ITGB4: variants seen among roughly 807,000 people sequenced by gnomAD.
ITGB4 encodes the protein integrin beta-4.
In ITGB4, 159 loss-of-function variants were observed where a neutral mutation model predicts 207.6. The ratio of observed to expected loss-of-function variants is 0.77; its 90% CI spans 0.67 to 0.87. The LOEUF (loss-of-function observed/expected upper bound fraction) is 0.87, where lower values mean the gene tolerates loss of function less well. Among genes scored for constraint, ITGB4 ranks in the 40% least tolerant of loss-of-function variants. The probability of loss-of-function intolerance (pLI) is 0.00; values close to 1 mark genes in which losing one functional copy is unlikely to be tolerated. For missense variants in ITGB4, 2,278 were observed against 2,546.8 expected (o/e 0.89, Z 2.27); for synonymous variants, 1,020 against 1,062.7 (o/e 0.96, Z 0.78).
At position 75,731,174 on chromosome 17, in the gene ITGB4, G is replaced by C; in HGVS notation, c.1093-72G>C. On this transcript the variant is annotated intron_variant, in intron 9 of 39. Transcript: ENST00000200181. This position sits in a 1 kb window ranked among gnomAD's most constrained non-coding sequence, Gnocchi z 6.8. Reference sequence around the variant, plus strand: ...CTCTGTGATACCCCGCATGATGCCAGCCACACTTGGAGGTTGGGGTGGAGC... The same window carrying C: ...CTCTGTGATACCCCGCATGATGCCACCCACACTTGGAGGTTGGGGTGGAGC... The C allele has an allele frequency of 2.5e-6, 4 of 1,610,520 alleles. No homozygotes were observed. Among genetic ancestry groups the C allele is most frequent in the Non-Finnish European group, 3.4e-6 (4 of 1,178,406 alleles).
chr17:75,727,712 G>A lies in ITGB4; in HGVS notation c.326G>A (p.Arg109His), dbSNP rs1049605905. ...SQMSPQGLRV[R>H]LRPGEERHFE... ...ATGTCCCCCCAAGGCCTGCGGGTCC[G>A]TCTGCGGCCCGGTGAGGAGCGGCAT... The change falls in exon 5 of 40, where the codon CGT (arginine) becomes CAT (histidine). Residue 109 changes from arginine to histidine, a missense_variant. Physicochemically the swap from Arg to His is conservative, Grantham distance 29. Transcript: ENST00000200181. This position sits in a 1 kb window ranked among gnomAD's most constrained non-coding sequence, Gnocchi z 6.0. 8.7e-6 allele frequency: 14 copies of A among 1,613,204 alleles called. No homozygotes were observed. Among genetic ancestry groups the A allele is most frequent in the Middle Eastern group, 1.8e-4 (1 of 5,682 alleles).
In ITGB4 at chr17:75,731,147, G is replaced by T; in HGVS notation, c.1093-99G>T. On this transcript the variant is annotated intron_variant, in intron 9 of 39. Coordinates refer to ENST00000200181, the MANE Select transcript of ITGB4 (RefSeq NM_000213.5). This position sits in a 1 kb window ranked among gnomAD's most constrained non-coding sequence, Gnocchi z 6.8. The stretch of plus-strand genomic sequence containing the variant: ...CCTGGGCCTGGCCCTGGCTCCTGCA[G>T]GCTCTGTGATACCCCGCATGATGCC... The T allele has an allele frequency of 6.3e-7, 1 of 1,596,630 alleles. No homozygotes were observed.
At position 75,739,211 on chromosome 17, in the gene ITGB4, C is replaced by G. The variant is rs2061050320; in HGVS notation, c.2221-461C>G. 6.6e-6 allele frequency among the ~76,000 whole-genome samples: 1 copy of G among 151,436 alleles called. No homozygotes were observed. On this transcript the variant is annotated intron_variant, in intron 18 of 39. Transcript: ENST00000200181. The surrounding 1 kb of genome is among the most constrained non-coding windows in gnomAD (Gnocchi z 5.4). ...TAGGGGGGCTGAGGCAGGAGAATTG[C>G]TTGAACCTGGGAGGTAGAGGTTGCA...
At chr17:75,736,408 T>C (rs1444277570) in intron 15 of ITGB4, 22 bp downstream of exon 15, 10 of 1,612,424 alleles carry the variant, frequency 6.2e-6, no homozygotes, top group Admixed American at 5.0e-5. Context: ...ACCTACGAGG[T>C]GTGGGCGTGG....
intron 27 of ITGB4, among the ~76,000 whole-genome samples, chr17:75,749,352 A>C (rs901728802): frequency 6.6e-6 from 1 of 151,944 alleles, no homozygotes; most frequent in African/African-American, 2.4e-5. Flanking sequence ...ACATAGTGAG[A>C]CCTCGTCTCT....
rs775000779 is a variant in ITGB4, at chr17:75,748,887, C to T, written c.3158C>T (p.Ala1053Val). The change falls in exon 27 of 40, where the codon GCC (alanine) becomes GTC (valine). Residue 1053 changes from alanine (A) to valine (V), a missense_variant. Coordinates refer to ENST00000200181, the MANE Select transcript of ITGB4 (RefSeq NM_000213.5). ...EGELLFQPGE[A>V]WKELQVKLLE... Reference sequence around the variant, plus strand: ...GAGCTGCTGTTCCAGCCTGGGGAGGCCTGGAAAGAGCTGCAGGTGAAGCTC... The same window carrying T: ...GAGCTGCTGTTCCAGCCTGGGGAGGTCTGGAAAGAGCTGCAGGTGAAGCTC... 6.2e-7 allele frequency: 1 copy of T among 1,613,012 alleles called. No homozygotes were observed. The highest frequency in any genetic ancestry group is 8.5e-7 in the Non-Finnish European group (1 of 1,179,866).
At position 75,731,264 on chromosome 17, in the gene ITGB4, G is replaced by A; in HGVS notation, c.1111G>A (p.Asp371Asn). The change falls in exon 10 of 40, where the codon GAC (aspartate) becomes AAC (asparagine). Residue 371 changes from aspartate to asparagine, a missense_variant. Coordinates refer to ENST00000200181, the MANE Select transcript of ITGB4 (RefSeq NM_000213.5). The surrounding 1 kb of genome is among the most constrained non-coding windows in gnomAD (Gnocchi z 6.8). ...CCTTTAGCGGATCCGCTCCAACCTGGACATCCGGGCCCTAGACAGCCCCCG... is the reference window on the plus strand; with the variant it reads ...CCTTTAGCGGATCCGCTCCAACCTGAACATCCGGGCCCTAGACAGCCCCCG... ...EAFNRIRSNL[D>N]IRALDSPRGL... 1 of 1,613,422 alleles carries A rather than the reference G, an allele frequency of 6.2e-7. No homozygotes were observed.
At chr17:75,748,009 C>T (rs970143723) in intron 26 of ITGB4, among the ~76,000 whole-genome samples, 4 of 152,074 alleles carry the variant, frequency 2.6e-5, no homozygotes, top group Non-Finnish European at 5.9e-5. Context: ...TAGTGGTCTT[C>T]TATGTGAAGG....
At position 75,729,436 on chromosome 17, in the gene ITGB4, G is replaced by A. The variant is rs749834111; in HGVS notation, c.738G>A (p.Thr246=). The A allele has an allele frequency of 4.3e-6, 7 of 1,613,788 alleles. No individual in the cohort carries two copies. Among genetic ancestry groups the A allele is most frequent in the African/African-American group, 2.7e-5 (2 of 75,054 alleles). ...CCATCCTGCAGACAGCTGTGTGCAC[G>A]GTGGGCACTGGGAAGGGTGCTGCCA... is the stretch of plus-strand genomic sequence containing the variant. ...FDAILQTAVC[T]RDIGWRPDST... The change falls in exon 7 of 40, where the codon ACG becomes ACA. Residue 246 remains threonine, a splice_region_variant and synonymous_variant. Transcript: ENST00000200181. This position sits in a 1 kb window ranked among gnomAD's most constrained non-coding sequence, Gnocchi z 4.4.
intron 34 of ITGB4, 59 bp downstream of exon 34, chr17:75,754,874 G>A: frequency 6.2e-7 from 1 of 1,610,896 alleles, no homozygotes; most frequent in Non-Finnish European, 8.5e-7. Context: ...TCCAGCTCCT[G>A]GAGCCTCGGG....
intron 12 of ITGB4, among the ~76,000 whole-genome samples, chr17:75,733,245 G>T (rs1024958675): frequency 1.3e-5 from 2 of 151,916 alleles, no homozygotes; most frequent in Admixed American, 1.3e-4. Context: ...AATTAGCCGG[G>T]CGTAGTGGCG....
At chr17:75,723,846 C>T (rs1005694074) in intron 1 of ITGB4, among the ~76,000 whole-genome samples, 2 of 152,276 alleles carry the variant, frequency 1.3e-5, no homozygotes, top group African/African-American at 4.8e-5. Flanking sequence ...GCCTGGATGG[C>T]TCTGCCGCCA....
In ITGB4 at chr17:75,727,135, G is replaced by C; in HGVS notation, c.80-60G>C. 1 of 1,384,218 alleles carries C rather than the reference G, an allele frequency of 7.2e-7. No homozygotes were observed. Among genetic ancestry groups the C allele is most frequent in the South Asian group, 1.2e-5 (1 of 84,294 alleles). The allele number at this position is 1,384,218 out of a possible 1,614,324, so 85.7% of individuals were successfully genotyped here. On this transcript the variant is annotated intron_variant, in intron 2 of 39. Coordinates refer to ENST00000200181, the MANE Select transcript of ITGB4 (RefSeq NM_000213.5). The surrounding 1 kb of genome is among the most constrained non-coding windows in gnomAD (Gnocchi z 6.0). ...ATCTCTCCAGGTGAAGGTGCAGGTG[G>C]GAAAGTGCTTGCCTTTGCTGAGCGC... is the stretch of plus-strand genomic sequence containing the variant.
At chr17:75,737,679 C>T (rs771035706) in intron 18 of ITGB4, 35 bp downstream of exon 18, 1 of 1,558,254 alleles carries the variant, frequency 6.4e-7, no homozygotes, top group East Asian at 2.2e-5. Context: ...GGCCCCACAT[C>T]CCAGGGTCCC....
rs1460843346 is a variant in ITGB4 at position 75,724,797 on chromosome 17, C to T, written c.79+15C>T. 2 of 1,606,400 alleles carry T rather than the reference C, an allele frequency of 1.2e-6. No homozygotes were observed. Among genetic ancestry groups the T allele is most frequent in the Admixed American group, 1.7e-5 (1 of 59,994 alleles). Reference sequence around the variant, plus strand: ...TGGGACCTTGGGTGAGTCCACGTTGCCCTGCAGCCCCCTCCTGGCAGGATC... The same window carrying T: ...TGGGACCTTGGGTGAGTCCACGTTGTCCTGCAGCCCCCTCCTGGCAGGATC... On this transcript the variant is annotated intron_variant, in intron 2 of 39. Coordinates refer to ENST00000200181, the MANE Select transcript of ITGB4 (RefSeq NM_000213.5).
In ITGB4 at chr17:75,727,448, C is replaced by T. The variant is rs776953208; in HGVS notation, c.207C>T (p.Ala69=). The T allele has an allele frequency of 6.8e-6, 11 of 1,613,984 alleles. No homozygotes were observed. The highest frequency in any genetic ancestry group is 2.2e-5 in the East Asian group (1 of 44,884). ...RRCNTQAELL[A]AGCQRESIVV... Reference sequence around the variant, plus strand: ...GCAACACCCAGGCGGAGCTGCTGGCCGCGGGCTGCCAGCGGGAGAGCATCG... The same window carrying T: ...GCAACACCCAGGCGGAGCTGCTGGCTGCGGGCTGCCAGCGGGAGAGCATCG... The change falls in exon 4 of 40, where the codon GCC becomes GCT. Residue 69 remains alanine, a synonymous_variant. Coordinates refer to ENST00000200181, the MANE Select transcript of ITGB4 (RefSeq NM_000213.5). The surrounding 1 kb of genome is among the most constrained non-coding windows in gnomAD (Gnocchi z 6.0).
chr17:75,733,341 G>A (rs1437952714), intron 12 of ITGB4, 149 bp from the exon 13 acceptor site: 21 of 523,884 alleles, frequency 4.0e-5, no homozygotes, highest in Admixed American at 1.7e-4. Flanking sequence ...AGCCAAGATC[G>A]CGCCACTGCA....
rs150668075 is a variant in ITGB4, at chr17:75,742,632, C to T, written c.2833C>T (p.Arg945Trp). Residue 945 changes from arginine (R) to tryptophan (W), a missense_variant, in exon 25 of 40, where the codon CGG (arginine) becomes TGG (tryptophan). Coordinates refer to ENST00000200181, the MANE Select transcript of ITGB4 (RefSeq NM_000213.5). The surrounding 1 kb of genome is among the most constrained non-coding windows in gnomAD (Gnocchi z 5.9). ...FQEGVELVDV[R>W]VPLFIRPEDD... is the part of the protein sequence containing the mutation. ...GGAGGGCGTGGAGCTGGTGGACGTA[C>T]GGGTGCCCCTCTTTATCCGGCCTGA... 1.3e-4 allele frequency: 204 copies of T among 1,614,034 alleles called. 2 individuals are homozygous for T. Among genetic ancestry groups the T allele is most frequent in the South Asian group, 1.3e-3 (114 of 91,088 alleles).
At chr17:75,745,208 C>T (rs1353736668) in intron 26 of ITGB4, among the ~76,000 whole-genome samples, 2 of 151,956 alleles carry the variant, frequency 1.3e-5, no homozygotes, top group African/African-American at 4.8e-5. Context: ...GCCTAGGCAA[C>T]GTGGTGAGAC....
Sources: allele counts gnomAD v4.1 joint callset (sites outside exome capture counted in the v4.1 genomes callset), GRCh38; gene constraint gnomAD v4.1.1; non-coding constraint Gnocchi (gnomAD v3.1); transcripts MANE v1.5; gene names NCBI Gene and HGNC (gene_info 2026-07-23, HGNC 2026-07-21).